Variants in SETX observed in about 807,000 individuals in gnomAD.
SETX encodes senataxin, also known as helicase senataxin.
In SETX, 90 loss-of-function variants were observed where a neutral mutation model predicts 227.2. That is an observed-to-expected ratio of 0.40 (90% confidence interval 0.33 to 0.47). The LOEUF (loss-of-function observed/expected upper bound fraction) is 0.47. SETX is among the 20% of genes least tolerant of loss of function. SETX has a pLI of 0.91. For synonymous variants in SETX, 1,210 were observed against 1,113.2 expected (o/e 1.09, Z -1.73); for missense variants, 3,052 against 3,181.5 (o/e 0.96, Z 0.98).
intron 11 of SETX, among the ~76,000 whole-genome samples, chr9:132,303,144 T>C (rs1022871380): frequency 6.6e-6 from 1 of 151,970 alleles, no homozygotes; most frequent in Non-Finnish European, 1.5e-5. Context: ...CAGCCTCCCA[T>C]GTCACTGGGA....
At chr9:132,279,223 G>C (rs1026956476) in intron 20 of SETX, among the ~76,000 whole-genome samples, 5 of 152,120 alleles carry the variant, frequency 3.3e-5, no homozygotes, top group Non-Finnish European at 7.3e-5. Flanking sequence ...TACCACAGTT[G>C]TGCCTTGGGA....
chr9:132,283,119 C>A, intron 19 of SETX, 145 bp downstream of exon 19: 1 of 1,010,852 alleles, frequency 9.9e-7, no homozygotes, highest in South Asian at 1.4e-5. Context: ...TATATTTCTA[C>A]ATAAGGGAAT....
At chr9:132,318,971 T>C (rs1186489663) in intron 10 of SETX, among the ~76,000 whole-genome samples, 2 of 152,204 alleles carry the variant, frequency 1.3e-5, no homozygotes, top group African/African-American at 2.4e-5. Flanking sequence ...TTTCTCACAA[T>C]ATGTATCAGT....
Position 132,327,401 on chromosome 9 carries a change from TGTA to T in SETX, c.4194_4196del (p.Cys1398_Thr1399delinsTer). 1 of 1,614,224 alleles carries T rather than the reference TGTA, an allele frequency of 6.2e-7. No homozygotes were observed. The highest frequency in any genetic ancestry group is 8.5e-7 in the Non-Finnish European group (1 of 1,180,018). On this transcript the variant is annotated stop_gained and inframe_deletion, in exon 10 of 26. Transcript: ENST00000224140. LOFTEE classifies it high-confidence loss of function. ...TGTTGGCAAGTACCTCAGTTCCTCC[TGTA>T]CAATTATAATCTGACCTATCAGATT...
intron 5 of SETX, among the ~76,000 whole-genome samples, chr9:132,340,138 C>A (rs1028449624): frequency 6.6e-6 from 1 of 152,018 alleles, no homozygotes; most frequent in Non-Finnish European, 1.5e-5. Context: ...TCTTCTGAAG[C>A]CTTTATTTTA....
intron 10 of SETX, among the ~76,000 whole-genome samples, chr9:132,317,522 A>G (rs1048493561): frequency 1.3e-5 from 2 of 152,124 alleles, no homozygotes. Flanking sequence ...CCTTTCACTG[A>G]TATCTAGTGT....
rs1352887418 is a variant in SETX at position 132,296,157 on chromosome 9, A to G, written c.5950-129T>C. The G allele has an allele frequency of 4.2e-6, 5 of 1,190,418 alleles. No individual in the cohort carries two copies. The East Asian group carries it at 1.2e-4, about 29-fold the overall frequency. 73.7% of individuals were successfully genotyped at this position (1,190,418 alleles called of 1,614,324 possible). On this transcript the variant is annotated intron_variant, in intron 14 of 25. Transcript: ENST00000224140. ...GTTCTCGTAATAAAGTTAAAAATAAATAAAAGCATCTACATCTAACACTGA... is the reference window on the plus strand; with the variant it reads ...GTTCTCGTAATAAAGTTAAAAATAAGTAAAAGCATCTACATCTAACACTGA...
intron 10 of SETX, among the ~76,000 whole-genome samples, chr9:132,321,654 C>CAA (rs57108934): frequency 0.013 from 665 of 51,210 alleles, 42 homozygotes; most frequent in East Asian, 0.048. Flanking sequence ...GATACTGTCT[C>CAA]AAAAAAAAAA....
intron 2 of SETX, among the ~76,000 whole-genome samples, chr9:132,352,691 C>G (rs1848664408): frequency 6.6e-6 from 1 of 152,196 alleles, no homozygotes; most frequent in Non-Finnish European, 1.5e-5. Flanking sequence ...CAATAACTGA[C>G]AGCCTAGCCT....
chr9:132,331,242 G>C, intron 8 of SETX, 35 bp downstream of exon 8: 1 of 1,612,632 alleles, frequency 6.2e-7, no homozygotes, highest in Non-Finnish European at 8.5e-7. Context: ...TTCTTATAGA[G>C]ATGATGTTTA....
intron 15 of SETX, among the ~76,000 whole-genome samples, chr9:132,294,733 C>T (rs1844567156): frequency 6.6e-6 from 1 of 152,174 alleles, no homozygotes; most frequent in Admixed American, 6.5e-5. Flanking sequence ...TTTCCTCACA[C>T]TTGCTGGAGC....
At position 132,264,071 on chromosome 9, in the gene SETX, G is replaced by A. The variant is rs115351494; in HGVS notation, c.*168C>T. 5.8e-4 allele frequency: 526 copies of A among 901,660 alleles called. 3 individuals are homozygous for A. In the African/African-American group the frequency reaches 7.6e-3, roughly 13 times the overall value. 55.9% of individuals were successfully genotyped at this position (901,660 alleles called of 1,614,324 possible). ...CCTCTGAAAGCTTTTGCAAATGACA[G>A]AAAATACTGAAGATGACCAGAGGCT... On this transcript the variant is annotated 3_prime_UTR_variant, in exon 26 of 26. Coordinates refer to ENST00000224140, the MANE Select transcript of SETX (RefSeq NM_015046.7).
intron 11 of SETX, among the ~76,000 whole-genome samples, chr9:132,311,441 T>A (rs974167459): frequency 6.6e-6 from 1 of 152,068 alleles, no homozygotes; most frequent in African/African-American, 2.4e-5. Flanking sequence ...GCCAGGAAGA[T>A]TTACTCAGAA....
chr9:132,342,565 A>C (rs1589774622), intron 5 of SETX, 125 bp downstream of exon 5: 1 of 832,080 alleles, frequency 1.2e-6, no homozygotes, highest in Non-Finnish European at 2.1e-6. Flanking sequence ...AACTGTAGTA[A>C]ATTTTAAAGC....
chr9:132,354,602 C>T (rs1367690952), intron 1 of SETX, among the ~76,000 whole-genome samples: 1 of 152,036 alleles, frequency 6.6e-6, no homozygotes, highest in Non-Finnish European at 1.5e-5. Flanking sequence ...CGAGACCTCC[C>T]GCTCAGCCCC....
chr9:132,332,831 GGAT>G (rs1847323216), intron 7 of SETX, among the ~76,000 whole-genome samples: 2 of 150,988 alleles, frequency 1.3e-5, no homozygotes, highest in African/African-American at 4.9e-5. Flanking sequence ...AGAGGCAGGA[GGAT>G]GACTTGAGCC....
chr9:132,339,722 C>T (rs2131524803), intron 5 of SETX, among the ~76,000 whole-genome samples: 1 of 152,274 alleles, frequency 6.6e-6, no homozygotes, highest in South Asian at 2.1e-4. Flanking sequence ...AAGCAATTCT[C>T]CTGCCTCAGC....
chr9:132,315,183 T>C lies in SETX; in HGVS notation c.5275-3327A>G, dbSNP rs1263836918. 2.6e-5 allele frequency among the ~76,000 whole-genome samples: 4 copies of C among 152,178 alleles called. No individual in the cohort carries two copies. The East Asian group carries it at 7.7e-4, about 29-fold the overall frequency. ...CCGCCTACTGTGGCCTTCCCAAGTGTTGGGATTACAGGCGTGAGCCACTGT... is the reference window on the plus strand; with the variant it reads ...CCGCCTACTGTGGCCTTCCCAAGTGCTGGGATTACAGGCGTGAGCCACTGT... On this transcript the variant is annotated intron_variant, in intron 10 of 25. Transcript: ENST00000224140.
chr9:132,341,779 G>A (rs550089218), intron 5 of SETX, among the ~76,000 whole-genome samples: 1 of 152,102 alleles, frequency 6.6e-6, no homozygotes, highest in Non-Finnish European at 1.5e-5. Context: ...GCCTTGCCTG[G>A]AGTATACTTC....
Sources: gnomAD v4.1 joint callset for allele counts (sites outside exome capture counted in the v4.1 genomes callset) on GRCh38, gnomAD v4.1.1 for gene constraint, MANE v1.5 for transcripts, NCBI Gene and HGNC (gene_info 2026-07-23, HGNC 2026-07-21) for gene names.